The following TRHDE variants were observed in gnomAD, a reference collection of about 807,000 sequenced individuals.
The protein encoded by TRHDE is thyrotropin-releasing hormone-degrading ectoenzyme.
TRHDE carries 72 observed loss-of-function variants against 125.7 expected under a neutral mutation model. The ratio of observed to expected loss-of-function variants is 0.57; its 90% confidence interval spans 0.47 to 0.70. TRHDE has a LOEUF of 0.70. Ranked by LOEUF, TRHDE falls within the 30% of genes least tolerant of loss-of-function variation. TRHDE has a pLI of 0.00. For missense variants in TRHDE, 1,110 were observed against 1,327.1 expected, an observed-to-expected ratio of 0.84 and a Z score of 2.54; for synonymous variants, 509 against 509.1, an observed-to-expected ratio of 1.00 and a Z score of 0.00.
At position 72,364,917 on chromosome 12, in the gene TRHDE, GTT is replaced by G. The variant is rs376498478; in HGVS notation, c.1189-13076_1189-13075del. Reference sequence around the variant, plus strand: ...ATAGCTTAATAAGGACATTCTCTAAGTTTATTCTCTTGTTTAAGAACAAACAA... The same window carrying G: ...ATAGCTTAATAAGGACATTCTCTAAGTATTCTCTTGTTTAAGAACAAACAA... On this transcript the variant is annotated intron_variant, in intron 2 of 18. Coordinates refer to ENST00000261180, the MANE Select transcript of TRHDE (RefSeq NM_013381.3). Among the ~76,000 whole-genome samples the G allele has an allele frequency of 2.8e-3, 432 of 152,174 alleles. 3 individuals are homozygous for G. The highest frequency in any genetic ancestry group is 5.2e-3 in the Admixed American group (80 of 15,268).
At chr12:72,168,349 T>C (rs961304990) in intron 2 of TRHDE, among the ~76,000 whole-genome samples, 2 of 152,206 alleles carry the variant, frequency 1.3e-5, no homozygotes, top group South Asian at 4.1e-4. Context: ...ATGTGATAGA[T>C]TTATTATTAA....
intron 2 of TRHDE, among the ~76,000 whole-genome samples, chr12:72,337,916 G>T (rs1441271650): frequency 1.3e-5 from 2 of 151,982 alleles, no homozygotes; most frequent in South Asian, 2.1e-4. Flanking sequence ...CGTAGTACTA[G>T]CAACACTTTT....
At position 72,469,857 on chromosome 12, in the gene TRHDE, C is replaced by T; in HGVS notation, c.1415C>T (p.Ser472Phe). Residue 472 changes from serine (S) to phenylalanine (F), a missense_variant, in exon 4 of 19, where the codon TCT becomes TTT. Physicochemically the swap from Ser to Phe is radical, Grantham distance 155 (BLOSUM62 -2). Transcript: ENST00000261180. The stretch of plus-strand genomic sequence containing the variant: ...ATACTGCTGGATCCCAGTGTTTCAT[C>T]TATTTCTTATTTGCTGGATGTCACC... ...QRILLDPSVSSISYLLDVTMV... is the reference protein window; with the variant it reads ...QRILLDPSVSFISYLLDVTMV... 6.2e-7 allele frequency: 1 copy of T among 1,614,040 alleles called. No individual in the cohort carries two copies. The highest frequency in any genetic ancestry group is 8.5e-7 in the Non-Finnish European group (1 of 1,179,968).
At chr12:72,155,999 T>A (rs1876497295) in intron 2 of TRHDE, among the ~76,000 whole-genome samples, 1 of 152,208 alleles carries the variant, frequency 6.6e-6, no homozygotes, top group African/African-American at 2.4e-5. Flanking sequence ...AGAGGTGGAT[T>A]CTACAGAGGC....
intron 15 of TRHDE, among the ~76,000 whole-genome samples, chr12:72,648,201 A>G (rs951193479): frequency 1.3e-5 from 2 of 152,130 alleles, no homozygotes; most frequent in Non-Finnish European, 2.9e-5. Context: ...ACATCCTTTC[A>G]TGATAAAAAA....
intron 1 of TRHDE, among the ~76,000 whole-genome samples, chr12:72,282,066 C>T (rs1025652578): frequency 2.0e-5 from 3 of 152,132 alleles, no homozygotes; most frequent in African/African-American, 7.2e-5. Flanking sequence ...TTCTACGAAT[C>T]ACACTCCCAG....
intron 6 of TRHDE, among the ~76,000 whole-genome samples, chr12:72,516,124 C>G (rs1356401586): frequency 1.3e-5 from 2 of 151,444 alleles, no homozygotes; most frequent in African/African-American, 4.9e-5. Flanking sequence ...CTTGGCGATG[C>G]GGGCTCTTTT....
chr12:72,196,641 TATACCTATGCCA>T (rs1310499757), intron 2 of TRHDE, among the ~76,000 whole-genome samples: 2 of 152,104 alleles, frequency 1.3e-5, no homozygotes, highest in East Asian at 3.9e-4. Context: ...TTCACCTACT[TATACCTATGCCA>T]TTTTAACCAC....
chr12:72,222,717 T>A (rs1159040057), intron 2 of TRHDE, among the ~76,000 whole-genome samples: 3 of 152,084 alleles, frequency 2.0e-5, no homozygotes, highest in Admixed American at 2.0e-4. Context: ...CATGGTTAAA[T>A]CCCTTTCAGG....
rs189196104 is a variant in TRHDE, at chr12:72,660,441, G to C, written c.3067-2611G>C. On this transcript the variant is annotated intron_variant, in intron 18 of 18. Coordinates refer to ENST00000261180, the MANE Select transcript of TRHDE (RefSeq NM_013381.3). ...GAAAGGAGACTCCCTTTTGCAGTCT[G>C]ATAAGGAACGGGTGCCTTCCCTGGC... is the stretch of plus-strand genomic sequence containing the variant. Among the ~76,000 whole-genome samples the C allele has an allele frequency of 3.5e-4, 54 of 152,212 alleles. 1 individual carries two copies. The highest frequency in any genetic ancestry group is 2.0e-3 in the Admixed American group (31 of 15,288).
intron 12 of TRHDE, among the ~76,000 whole-genome samples, chr12:72,614,897 A>G (rs1435948557): frequency 1.3e-5 from 2 of 152,168 alleles, no homozygotes; most frequent in African/African-American, 4.8e-5. Context: ...GCATTTCAAC[A>G]TCAGCTAACA....
intron 2 of TRHDE, among the ~76,000 whole-genome samples, chr12:72,289,600 T>A (rs1328512070): frequency 1.3e-5 from 2 of 152,234 alleles, no homozygotes; most frequent in African/African-American, 4.8e-5. Context: ...AAGGTTACAC[T>A]CCTATTTGGT....
intron 2 of TRHDE, among the ~76,000 whole-genome samples, chr12:72,189,540 A>G (rs957222166): frequency 6.6e-6 from 1 of 152,194 alleles, no homozygotes; most frequent in Non-Finnish European, 1.5e-5. Context: ...TGTACCCTAG[A>G]TGTCCTGGTA....
At chr12:72,390,158 A>G (rs1872567577) in intron 3 of TRHDE, among the ~76,000 whole-genome samples, 5 of 152,190 alleles carry the variant, frequency 3.3e-5, no homozygotes, top group Non-Finnish European at 7.3e-5. Context: ...CAATCTTTTT[A>G]TACTTCCTTT....
chr12:72,499,569 A>G lies in TRHDE; in HGVS notation c.1656A>G (p.Pro552=), dbSNP rs951191954. ...TGGACGGTTTGGCCAGTTCCCATCCAGTATCACAGGAAGTGCTGCAGGCAA... is the reference window on the plus strand; with the variant it reads ...TGGACGGTTTGGCCAGTTCCCATCCGGTATCACAGGAAGTGCTGCAGGCAA... ...MLLDGLASSH[P]VSQEVLQATD... Residue 552 remains proline, a synonymous_variant, in exon 6 of 19, where the codon CCA becomes CCG. Coordinates refer to ENST00000261180, the MANE Select transcript of TRHDE (RefSeq NM_013381.3). 73 of 1,613,850 alleles carry G rather than the reference A, an allele frequency of 4.5e-5. No homozygotes were observed. Among genetic ancestry groups the G allele is most frequent in the Non-Finnish European group, 6.1e-5 (72 of 1,179,896 alleles).
At chr12:72,470,103 C>T (rs932908312) in intron 4 of TRHDE, among the ~76,000 whole-genome samples, 191 bp downstream of exon 4, 3 of 152,152 alleles carry the variant, frequency 2.0e-5, no homozygotes, top group East Asian at 1.9e-4. Flanking sequence ...ACACACTGAT[C>T]GTATTGAGTA....
Position 72,568,665 on chromosome 12 carries a change from T to C in TRHDE, c.2131+9T>C. 1 of 1,580,278 alleles carries C rather than the reference T, an allele frequency of 6.3e-7. No individual in the cohort carries two copies. Among genetic ancestry groups the C allele is most frequent in the Non-Finnish European group, 8.7e-7 (1 of 1,150,692 alleles). ...GGTGTCTAACAAATCAGGTAAACTA[T>C]ATATTCTCCCCTGAGGAAGTATCTG... On this transcript the variant is annotated intron_variant, in intron 10 of 18. Transcript: ENST00000261180.
At chr12:72,438,953 A>C (rs1874871377) in intron 3 of TRHDE, among the ~76,000 whole-genome samples, 1 of 151,340 alleles carries the variant, frequency 6.6e-6, no homozygotes, top group African/African-American at 2.4e-5. Flanking sequence ...GTAAGTCTTT[A>C]ATCCATTTGA....
At chr12:72,585,322 T>C (rs1871394519) in intron 12 of TRHDE, among the ~76,000 whole-genome samples, 1 of 152,236 alleles carries the variant, frequency 6.6e-6, no homozygotes, top group Non-Finnish European at 1.5e-5. Flanking sequence ...GGTAAGATCA[T>C]TGGCTATCAG....
Sources: gnomAD v4.1 joint callset for allele counts (sites outside exome capture counted in the v4.1 genomes callset) on GRCh38, gnomAD v4.1.1 for gene constraint, MANE v1.5 for transcripts, NCBI Gene and HGNC (gene_info 2026-07-23, HGNC 2026-07-21) for gene names.